NELFA: variants seen among roughly 807,000 people sequenced by gnomAD.
NELFA encodes the protein negative elongation factor A.
A neutral mutation model predicts 51.8 loss-of-function variants in NELFA; 35 were observed. That is an observed-to-expected ratio of 0.68 (90% CI 0.52 to 0.90). The LOEUF (loss-of-function observed/expected upper bound fraction) is 0.90, where lower values mean the gene tolerates loss of function less well. Ranked by LOEUF, NELFA falls within the 40% of genes least tolerant of loss-of-function variation. The pLI is 0.00. For missense variants in NELFA, 658 were observed against 746.4 expected (o/e 0.88, Z 1.38); for synonymous variants, 417 against 338.4 (o/e 1.23, Z -2.55).
chr4:1,984,253 AG>A (rs1292811996), intron 8 of NELFA, 140 bp from the exon 9 acceptor site: 2 of 1,094,082 alleles, frequency 1.8e-6, no homozygotes, highest in Non-Finnish European at 2.5e-6. Flanking sequence ...CCCCCAGCCA[AG>A]GCACAGGCCC....
intron 1 of NELFA, among the ~76,000 whole-genome samples, chr4:1,999,219 A>G (rs1728508350): frequency 1.3e-5 from 2 of 151,262 alleles, no homozygotes; most frequent in Non-Finnish European, 2.9e-5. Flanking sequence ...GACCAATGAC[A>G]TTACAAAGAA....
intron 1 of NELFA, among the ~76,000 whole-genome samples, chr4:2,001,640 C>T (rs977679464): frequency 6.6e-6 from 1 of 152,190 alleles, no homozygotes; most frequent in Non-Finnish European, 1.5e-5. Flanking sequence ...CAGTGGCTCA[C>T]GCCTGTAATC....
chr4:1,990,293 C>T (rs1728233803), intron 2 of NELFA: 1 of 420,898 alleles, frequency 2.4e-6, no homozygotes, highest in Non-Finnish European at 4.8e-6. Flanking sequence ...CTCCTGGAAC[C>T]CTGGCCCTCA....
At position 1,983,240 on chromosome 4, in the gene NELFA, C is replaced by T; in HGVS notation, c.*79G>A. 2 of 1,470,356 alleles carry T rather than the reference C, an allele frequency of 1.4e-6. No individual in the cohort carries two copies. Among genetic ancestry groups the T allele is most frequent in the Non-Finnish European group, 1.8e-6 (2 of 1,082,526 alleles). 91.1% of individuals were successfully genotyped at this position (1,470,356 alleles called of 1,614,324 possible). The stretch of plus-strand genomic sequence containing the variant: ...GGGGACCTCGGGGGCCAGGTGTCCG[C>T]CATCCGGTTACTTTAAGCTGGCAAA... On this transcript the variant is annotated 3_prime_UTR_variant, in exon 11 of 11. Transcript: ENST00000382882.
rs555864951 is a variant in NELFA, at chr4:2,008,656, G to A, written c.210+94C>T. 9.2e-4 allele frequency: 1,335 copies of A among 1,445,886 alleles called. 14 individuals are homozygous for A. The South Asian group carries it at 9.6e-3, about 10-fold the overall frequency. 89.6% of individuals were successfully genotyped at this position (1,445,886 alleles called of 1,614,324 possible). On this transcript the variant is annotated intron_variant, in intron 1 of 10. Transcript: ENST00000382882. ...AGTCTGAAGGGGGATGGGAAGGTTG[G>A]GGGAGGGAGCGAGGAGGGTCCGGAG...
chr4:2,007,055 C>G, intron 1 of NELFA: 1 of 296,284 alleles, frequency 3.4e-6, no homozygotes. Context: ...GTCAGGAGTT[C>G]AAGACCAGCC....
chr4:1,996,281 C>T (rs1303819218), intron 1 of NELFA, among the ~76,000 whole-genome samples: 2 of 152,104 alleles, frequency 1.3e-5, no homozygotes, highest in Non-Finnish European at 2.9e-5. Context: ...TTCTAAATTA[C>T]ACAGGGATCA....
chr4:1,987,946 C>G lies in NELFA; in HGVS notation c.606G>C (p.Arg202=). The change falls in exon 4 of 11, where the codon CGG becomes CGC. Residue 202 remains arginine (R), a synonymous_variant. Transcript: ENST00000382882. ...SAGVPFHAKG[R]GLLRKMDTTT... ...TGGTGTCCATCTTCCGCAGCAGCCC[C>G]CGGCCCTTGGCGTGGAAGGGCACCC... 1 of 1,610,530 alleles carries G rather than the reference C, an allele frequency of 6.2e-7. No homozygotes were observed. Among genetic ancestry groups the G allele is most frequent in the Non-Finnish European group, 8.5e-7 (1 of 1,179,414 alleles).
At chr4:2,000,236 A>G (rs1728534925) in intron 1 of NELFA, among the ~76,000 whole-genome samples, 1 of 152,152 alleles carries the variant, frequency 6.6e-6, no homozygotes, top group Non-Finnish European at 1.5e-5. Context: ...CAGAGAGGCA[A>G]GAGAGCAAAC....
rs962249137 is a variant in NELFA at position 1,986,405 on chromosome 4, G to A, written c.635-3C>T. ...CTTCGGGATGCCTTTGAGTGGGGCT[G>A]GAGGACGGCAACAGTCAGGGCGCCA... On this transcript the variant is annotated splice_polypyrimidine_tract_variant and splice_region_variant and intron_variant, in intron 4 of 10. Coordinates refer to ENST00000382882, the MANE Select transcript of NELFA (RefSeq NM_005663.5). 13 of 1,612,642 alleles carry A rather than the reference G, an allele frequency of 8.1e-6. No individual in the cohort carries two copies. The highest frequency in any genetic ancestry group is 1.1e-5 in the Non-Finnish European group (13 of 1,179,604).
intron 1 of NELFA, among the ~76,000 whole-genome samples, chr4:1,995,356 C>T (rs556814019): frequency 6.6e-6 from 1 of 152,164 alleles, no homozygotes; most frequent in East Asian, 1.9e-4. Context: ...ACACATCCAG[C>T]CCAGTCATCT....
chr4:1,990,963 C>T (rs1278028200), intron 2 of NELFA, among the ~76,000 whole-genome samples: 1 of 152,094 alleles, frequency 6.6e-6, no homozygotes, highest in African/African-American at 2.4e-5. Flanking sequence ...ATCACGCCCA[C>T]CTAATTTTTA....
At chr4:1,987,781 C>T (rs1728150589) in intron 4 of NELFA, 137 bp downstream of exon 4, 1 of 748,046 alleles carries the variant, frequency 1.3e-6, no homozygotes, top group Non-Finnish European at 2.1e-6. Context: ...AGTGCCTTCG[C>T]TTTCCCACGG....
chr4:2,008,638 A>G (rs1477076128), intron 1 of NELFA, 112 bp downstream of exon 1: 277 of 1,108,008 alleles, frequency 2.5e-4, no homozygotes, highest in Admixed American at 3.0e-4. Flanking sequence ...AACAGTCTGA[A>G]GGGGGATGGG....
intron 1 of NELFA, among the ~76,000 whole-genome samples, chr4:1,995,877 A>ATTTTTTTTT (rs36104463): frequency 6.9e-6 from 1 of 144,414 alleles, no homozygotes; most frequent in Admixed American, 7.0e-5. Context: ...CTTCTCACTG[A>ATTTTTTTTT]TTTTTTTTTT....
chr4:1,988,269 C>T (rs972356568), intron 3 of NELFA, among the ~76,000 whole-genome samples: 2 of 152,184 alleles, frequency 1.3e-5, no homozygotes, highest in African/African-American at 4.8e-5. Flanking sequence ...GGGAGGCAGC[C>T]GAGGAGGAGC....
chr4:1,986,175 G>C lies in NELFA; in HGVS notation c.774C>G (p.Asp258Glu), dbSNP rs1374787616. The C allele has an allele frequency of 6.4e-7, 1 of 1,558,402 alleles. No homozygotes were observed. The highest frequency in any genetic ancestry group is 8.7e-7 in the Non-Finnish European group (1 of 1,150,972). Residue 258 changes from aspartate (D) to glutamate (E), a missense_variant, in exon 6 of 11, where the codon GAC (aspartate) becomes GAG (glutamate). Transcript: ENST00000382882. ...LRKERGVKLL[D>E]ISELDMVGAG... ...CGCCAACCATATCCAGCTCAGAGATGTCCAGCAGCTGCCAAGACAAGCACA... is the reference window on the plus strand; with the variant it reads ...CGCCAACCATATCCAGCTCAGAGATCTCCAGCAGCTGCCAAGACAAGCACA...
intron 1 of NELFA, among the ~76,000 whole-genome samples, chr4:2,000,327 C>A (rs773447601): frequency 6.6e-6 from 1 of 151,780 alleles, no homozygotes; most frequent in African/African-American, 2.4e-5. Flanking sequence ...AAAACCCTCC[C>A]CCCCAAAAAA....
rs370501056 is a variant in NELFA at position 1,983,971 on chromosome 4, C to A, written c.1179G>T (p.Ser393=). Residue 393 remains serine, a synonymous_variant, in exon 9 of 11, where the codon TCG becomes TCT. Transcript: ENST00000382882. ...CCGGAGGTGTGGTGGGTGTCAGAGGCGAGGTGGGCGCCGCAGGCGTGGGTG... is the reference window on the plus strand; with the variant it reads ...CCGGAGGTGTGGTGGGTGTCAGAGGAGAGGTGGGCGCCGCAGGCGTGGGTG... The part of the protein sequence containing the change: ...PATPTPAAPT[S]PLTPTTPPAV... 6.2e-7 allele frequency: 1 copy of A among 1,610,582 alleles called. No individual in the cohort carries two copies. The highest frequency in any genetic ancestry group is 8.5e-7 in the Non-Finnish European group (1 of 1,179,598).
Sources: gnomAD v4.1 joint callset for allele counts (sites outside exome capture counted in the v4.1 genomes callset) on GRCh38, gnomAD v4.1.1 for gene constraint, MANE v1.5 for transcripts, NCBI Gene and HGNC (gene_info 2026-07-23, HGNC 2026-07-21) for gene names.